METTL15: variants seen among roughly 807,000 people sequenced by gnomAD.
METTL15 encodes 12S rRNA N(4)-cytidine methyltransferase METTL15.
Under a neutral mutation model 38.3 loss-of-function variants are expected in METTL15, and 34 were observed. That is an observed-to-expected ratio of 0.89 (90% CI 0.68 to 1.18). METTL15 has a LOEUF of 1.18. METTL15 is among the 50% of genes most tolerant of loss of function. The probability of loss-of-function intolerance (pLI) is 0.00; values close to 1 mark genes in which losing one functional copy is unlikely to be tolerated. For synonymous variants in METTL15, 162 were observed against 170.9 expected, an observed-to-expected ratio of 0.95 and a Z score of 0.41; for missense variants, 438 against 498.4, an observed-to-expected ratio of 0.88 and a Z score of 1.15.
Position 28,157,699 on chromosome 11 carries a change from C to T in METTL15, c.270+44095C>T, listed in dbSNP as rs138632564. On this transcript the variant is annotated intron_variant, in intron 3 of 6. Transcript: ENST00000407364. ...CATCATCAAATGGAAGTGGTATCTA[C>T]GTGATCGGGCTCGAGCAGGTCCTGA... Among the ~76,000 whole-genome samples the T allele has an allele frequency of 2.6e-4, 40 of 152,198 alleles. 1 individual carries two copies. In the East Asian group the frequency reaches 6.2e-3, roughly 24 times the overall value.
intron 5 of METTL15, among the ~76,000 whole-genome samples, chr11:28,368,795 T>A (rs926254233): frequency 1.8e-4 from 28 of 152,100 alleles, no homozygotes; most frequent in Admixed American, 7.9e-4. Flanking sequence ...AAATGTGGCA[T>A]GTATACACCA....
At chr11:28,430,072 G>A (rs1326096327) in intron 6 of METTL15, among the ~76,000 whole-genome samples, 3 of 147,874 alleles carry the variant, frequency 2.0e-5, no homozygotes, top group East Asian at 2.2e-4. Flanking sequence ...GGTGAGGAGC[G>A]TCTCTGCCCG....
At chr11:28,481,433 A>G (rs1173937480) in intron 6 of METTL15, among the ~76,000 whole-genome samples, 1 of 152,198 alleles carries the variant, frequency 6.6e-6, no homozygotes, top group Non-Finnish European at 1.5e-5. Flanking sequence ...AAAAGGCGGT[A>G]GGAGACTGTC....
chr11:28,138,701 C>T (rs967791115), intron 3 of METTL15, among the ~76,000 whole-genome samples: 4 of 152,276 alleles, frequency 2.6e-5, no homozygotes, highest in African/African-American at 4.8e-5. Context: ...AAATTGAACC[C>T]GGGCCACCAT....
chr11:28,236,791 G>T (rs1272959782), intron 4 of METTL15, among the ~76,000 whole-genome samples: 2 of 152,088 alleles, frequency 1.3e-5, no homozygotes, highest in Non-Finnish European at 2.9e-5. Context: ...TTTTAGGGCA[G>T]GCCTGGTGTT....
At chr11:28,150,337 A>G (rs1412321908) in intron 3 of METTL15, among the ~76,000 whole-genome samples, 2 of 151,654 alleles carry the variant, frequency 1.3e-5, no homozygotes, top group Non-Finnish European at 2.9e-5. Context: ...TCTTCTTGTT[A>G]CTGTCTACTT....
chr11:28,292,527 G>A (rs191768618), intron 5 of METTL15, among the ~76,000 whole-genome samples: 93 of 152,064 alleles, frequency 6.1e-4, no homozygotes, highest in Middle Eastern at 6.8e-3. Flanking sequence ...ATACGTGTGC[G>A]TGTGTCTTTA....
At chr11:28,169,871 A>G (rs1590857710) in intron 3 of METTL15, among the ~76,000 whole-genome samples, 1 of 152,128 alleles carries the variant, frequency 6.6e-6, no homozygotes. Flanking sequence ...TATTTTAAAT[A>G]AAGTGATTTT....
chr11:28,235,836 A>G (rs972790819), intron 4 of METTL15, among the ~76,000 whole-genome samples: 3 of 152,150 alleles, frequency 2.0e-5, no homozygotes, highest in African/African-American at 7.2e-5. Flanking sequence ...AGAACTTCCC[A>G]CACTATGTTG....
In METTL15 at chr11:28,330,256, T is replaced by G. The variant is rs116840126; in HGVS notation, c.779-140T>G. The G allele has an allele frequency of 6.3e-3, 4,570 of 725,200 alleles. 163 individuals carry two copies. The African/African-American group carries it at 0.073, about 12-fold the overall frequency. 44.9% of individuals were successfully genotyped at this position (725,200 alleles called of 1,614,324 possible). A position where few individuals can be genotyped will look rare whatever the true frequency, so the allele number is the denominator to read the frequency against. ...AATGTTTGGGAATAAGAGGGGGAAG[T>G]ATGAATGAAGTGCCACCACAATTTT... On this transcript the variant is annotated intron_variant, in intron 6 of 6. Transcript: ENST00000407364.
At chr11:28,197,057 TG>T in intron 3 of METTL15, among the ~76,000 whole-genome samples, 1 of 152,020 alleles carries the variant, frequency 6.6e-6, no homozygotes, top group Non-Finnish European at 1.5e-5. Flanking sequence ...AAAAATCATC[TG>T]TTAAGCTGTT....
At chr11:28,502,111 A>AG (rs1205226450) in intron 6 of METTL15, among the ~76,000 whole-genome samples, 3 of 151,798 alleles carry the variant, frequency 2.0e-5, no homozygotes, top group Non-Finnish European at 4.4e-5. Flanking sequence ...AAAAAAAAAA[A>AG]AAAGAAAAAA....
intron 4 of METTL15, among the ~76,000 whole-genome samples, chr11:28,254,665 G>A (rs1175249714): frequency 6.6e-6 from 1 of 152,040 alleles, no homozygotes; most frequent in Non-Finnish European, 1.5e-5. Flanking sequence ...TTTGTATATG[G>A]CAAGAGATAG....
Position 28,445,853 on chromosome 11 carries a change from A to T in METTL15, c.*424+21489A>T, listed in dbSNP as rs528592064. Among the ~76,000 whole-genome samples the T allele has an allele frequency of 3.3e-5, 5 of 151,904 alleles. 1 individual carries two copies. In the East Asian group the frequency reaches 7.8e-4, roughly 24 times the overall value. On this transcript the variant is annotated intron_variant and NMD_transcript_variant, in intron 6 of 7. Coordinates refer to the METTL15 transcript ENST00000532947. The stretch of plus-strand genomic sequence containing the variant: ...TTTTTTGTAGAGATGAGGTTTTGCC[A>T]TGTTGCCCAGGCGGTCTCAAACTCC...
At chr11:28,172,896 CT>C (rs1325324683) in intron 3 of METTL15, among the ~76,000 whole-genome samples, 1 of 151,868 alleles carries the variant, frequency 6.6e-6, no homozygotes. Flanking sequence ...TTGTTGGCTA[CT>C]TTTTTTTGTT....
intron 3 of METTL15, among the ~76,000 whole-genome samples, chr11:28,349,786 G>C (rs1187720077): frequency 2.0e-5 from 3 of 151,966 alleles, no homozygotes; most frequent in Non-Finnish European, 4.4e-5. Flanking sequence ...ATCTTTTGTG[G>C]GCAACTACTG....
intron 6 of METTL15, among the ~76,000 whole-genome samples, chr11:28,302,617 C>T (rs1333054718): frequency 1.3e-5 from 2 of 152,142 alleles, no homozygotes; most frequent in Non-Finnish European, 2.9e-5. Flanking sequence ...TGTGAGGCCT[C>T]TCCAGCCATT....
At chr11:28,489,771 AT>A (rs1192789860) in intron 6 of METTL15, among the ~76,000 whole-genome samples, 1 of 152,150 alleles carries the variant, frequency 6.6e-6, no homozygotes, top group Non-Finnish European at 1.5e-5. Context: ...TATTGTGAGA[AT>A]AATATTAGTC....
intron 6 of METTL15, among the ~76,000 whole-genome samples, chr11:28,469,238 T>C (rs1851283170): frequency 9.0e-6 from 1 of 110,946 alleles, no homozygotes; most frequent in Non-Finnish European, 1.8e-5. Context: ...TACACCATAT[T>C]TGTGTCACTT....
Sources: allele counts gnomAD v4.1 joint callset (sites outside exome capture counted in the v4.1 genomes callset), GRCh38; gene constraint gnomAD v4.1.1; transcripts MANE v1.5; gene names NCBI Gene and HGNC (gene_info 2026-07-23, HGNC 2026-07-21).